The following RGS7 variants were observed in gnomAD, a reference collection of about 807,000 sequenced individuals.
RGS7 encodes regulator of G protein signaling 7, also known as regulator of G-protein signaling 7.
Under a neutral mutation model 81.1 loss-of-function variants are expected in RGS7, and 27 were observed. The ratio of observed to expected loss-of-function variants is 0.33; its 90% CI spans 0.25 to 0.46. RGS7 has a LOEUF of 0.46. Among genes scored for constraint, RGS7 ranks in the 20% least tolerant of loss-of-function variants. The pLI is 1.00. For missense variants in RGS7, 396 were observed against 607.4 expected (o/e 0.65, Z 3.66); for synonymous variants, 208 against 207.7 (o/e 1.00, Z -0.01).
chr1:240,794,559 A>G (rs1039224038), intron 18 of RGS7, among the ~76,000 whole-genome samples: 5 of 152,202 alleles, frequency 3.3e-5, no homozygotes, highest in African/African-American at 4.8e-5. Flanking sequence ...AAAATAGCCT[A>G]TTTACACTAA....
chr1:240,880,578 T>C (rs952739423), intron 6 of RGS7, among the ~76,000 whole-genome samples: 3 of 152,280 alleles, frequency 2.0e-5, no homozygotes, highest in Non-Finnish European at 4.4e-5. Context: ...TGCTGCTCTA[T>C]AAACTGAGGT....
At chr1:240,969,800 T>A (rs374401088) in intron 4 of RGS7, among the ~76,000 whole-genome samples, 10 of 152,218 alleles carry the variant, frequency 6.6e-5, no homozygotes, top group African/African-American at 2.4e-4. Context: ...ATCCCAGCTC[T>A]GCTCCTCGGT....
intron 4 of RGS7, among the ~76,000 whole-genome samples, chr1:240,970,253 G>A (rs1359616518): frequency 6.6e-6 from 1 of 152,212 alleles, no homozygotes; most frequent in Non-Finnish European, 1.5e-5. Context: ...CAACGGGAAA[G>A]ATGGTCTGAA....
Position 241,271,899 on chromosome 1 carries a change from G to A in RGS7, c.78+83800C>T, listed in dbSNP as rs1019940620. 1.1e-5 allele frequency among the ~76,000 whole-genome samples: 1 copy of A among 94,464 alleles called. No homozygotes were observed. Among genetic ancestry groups the A allele is most frequent in the Admixed American group, 1.1e-4 (1 of 9,070 alleles). 62.0% of individuals were successfully genotyped at this position (94,464 alleles called of 152,430 possible). On this transcript the variant is annotated intron_variant, in intron 2 of 18. Coordinates refer to ENST00000440928, the MANE Select transcript of RGS7 (RefSeq NM_001364886.1). This position sits in a 1 kb window ranked among gnomAD's most constrained non-coding sequence, Gnocchi z 4.6. ...ATCTTTATAACGTGTGTGTGTGTGT[G>A]TGTGTGTGTGTGTGTGTGTGTGTGT...
chr1:240,827,032 T>C, intron 10 of RGS7, 66 bp downstream of exon 10: 1 of 1,298,292 alleles, frequency 7.7e-7, no homozygotes, highest in Admixed American at 1.7e-5. Context: ...AAAGTGTTTT[T>C]ATGGCTGACG....
intron 2 of RGS7, among the ~76,000 whole-genome samples, chr1:241,152,380 A>G (rs1353469230): frequency 1.3e-5 from 2 of 152,242 alleles, no homozygotes; most frequent in Non-Finnish European, 2.9e-5. Flanking sequence ...ACTGTTGAAA[A>G]TACGATCATT....
chr1:241,016,472 T>G (rs961446775), intron 3 of RGS7, among the ~76,000 whole-genome samples: 1 of 151,910 alleles, frequency 6.6e-6, no homozygotes, highest in Non-Finnish European at 1.5e-5. Context: ...GAGCCAAGAT[T>G]GTGCCACTGC....
intron 6 of RGS7, among the ~76,000 whole-genome samples, chr1:240,882,545 G>A (rs532392035): frequency 2.6e-5 from 4 of 152,184 alleles, no homozygotes; most frequent in African/African-American, 4.8e-5. Context: ...ATAGTATGTC[G>A]GCAAGTCGGG....
At chr1:240,811,466 G>T (rs1416538967) in intron 14 of RGS7, among the ~76,000 whole-genome samples, 2 of 152,198 alleles carry the variant, frequency 1.3e-5, no homozygotes, top group Non-Finnish European at 2.9e-5. Context: ...GAATGAGACA[G>T]CCCAATAGTT....
At chr1:240,866,238 G>A (rs758632141) in intron 9 of RGS7, among the ~76,000 whole-genome samples, 3 of 152,168 alleles carry the variant, frequency 2.0e-5, no homozygotes, top group Admixed American at 6.5e-5. Flanking sequence ...ATGGCCGGGC[G>A]CGGTTGCTCA....
intron 2 of RGS7, among the ~76,000 whole-genome samples, chr1:241,125,641 AC>A (rs113972630): frequency 0.043 from 6,621 of 152,272 alleles, 349 homozygotes; most frequent in African/African-American, 0.13. Context: ...AACAAAAAAA[AC>A]ACTCTCTTTT....
intron 2 of RGS7, among the ~76,000 whole-genome samples, chr1:241,213,010 A>G (rs546031241): frequency 1.3e-5 from 2 of 152,260 alleles, no homozygotes; most frequent in South Asian, 4.1e-4. Context: ...CTTTCTATTC[A>G]TCCTCAATGA....
intron 2 of RGS7, among the ~76,000 whole-genome samples, chr1:241,298,137 C>T (rs1573558642): frequency 1.3e-5 from 2 of 152,126 alleles, no homozygotes; most frequent in East Asian, 3.9e-4. Flanking sequence ...CTACAAGAAC[C>T]TTAAACTGCT....
chr1:241,072,154 G>A (rs1026933923), intron 3 of RGS7, among the ~76,000 whole-genome samples: 1 of 152,068 alleles, frequency 6.6e-6, no homozygotes, highest in African/African-American at 2.4e-5. Context: ...GTTAAGCCAG[G>A]TGGAGGTAAA....
In RGS7 at chr1:240,813,257, T is replaced by C. The variant is rs75722418; in HGVS notation, c.956+361A>G. On this transcript the variant is annotated intron_variant, in intron 13 of 18. Coordinates refer to ENST00000440928, the MANE Select transcript of RGS7 (RefSeq NM_001364886.1). The stretch of plus-strand genomic sequence containing the variant: ...CATACTTGTGTTGGGCTTAAGTATG[T>C]ATGGCTTTAGCATTCACTTTACTTG... Among the ~76,000 whole-genome samples, 960 of 152,358 alleles carry C rather than the reference T, an allele frequency of 6.3e-3. 10 individuals are homozygous for C. Among genetic ancestry groups the C allele is most frequent in the African/African-American group, 0.022 (919 of 41,578 alleles).
chr1:240,901,123 G>A (rs112218468), intron 6 of RGS7, among the ~76,000 whole-genome samples: 19,653 of 151,852 alleles, frequency 0.13, 1,414 homozygotes, highest in Middle Eastern at 0.18. Flanking sequence ...CTGGTGTGCC[G>A]TTTGCTAAGA....
At chr1:240,864,023 C>T (rs1322162580) in intron 9 of RGS7, among the ~76,000 whole-genome samples, 1 of 152,154 alleles carries the variant, frequency 6.6e-6, no homozygotes, top group African/African-American at 2.4e-5. Flanking sequence ...CCACCGCTAG[C>T]TCTGAACCTG....
chr1:241,137,141 C>G (rs2067579602), intron 2 of RGS7, among the ~76,000 whole-genome samples: 1 of 152,136 alleles, frequency 6.6e-6, no homozygotes, highest in Non-Finnish European at 1.5e-5. Context: ...ACTCCTTCCT[C>G]TCTCCCCTCA....
At chr1:241,279,701 ACTCACCTTC>A (rs2078399768) in intron 2 of RGS7, among the ~76,000 whole-genome samples, 1 of 152,088 alleles carries the variant, frequency 6.6e-6, no homozygotes. Context: ...TTATCACCTT[ACTCACCTTC>A]CTCTACTTCA....
Sources: gnomAD v4.1 joint callset for allele counts (sites outside exome capture counted in the v4.1 genomes callset) on GRCh38, gnomAD v4.1.1 for gene constraint, Gnocchi (gnomAD v3.1) non-coding constraint, MANE v1.5 for transcripts, NCBI Gene and HGNC (gene_info 2026-07-23, HGNC 2026-07-21) for gene names.